HHAT: variants seen among roughly 807,000 people sequenced by gnomAD.
HHAT encodes the protein protein-cysteine N-palmitoyltransferase HHAT.
Under a neutral mutation model 70.8 loss-of-function variants are expected in HHAT, and 47 were observed. The observed-to-expected ratio is 0.66, with a 90% confidence interval of 0.53 to 0.85. The LOEUF is 0.85. Among genes scored for constraint, HHAT ranks in the 40% least tolerant of loss-of-function variants. The pLI is 0.00. For missense variants in HHAT, 609 were observed against 604.8 expected, an observed-to-expected ratio of 1.01 and a Z score of -0.07; for synonymous variants, 228 against 247.6, an observed-to-expected ratio of 0.92 and a Z score of 0.74.
intron 9 of HHAT, among the ~76,000 whole-genome samples, chr1:210,526,679 T>C (rs2095254536): frequency 6.6e-6 from 1 of 152,078 alleles, no homozygotes; most frequent in Admixed American, 6.6e-5. Context: ...GAGAGAATTA[T>C]ACCAGATAAA....
chr1:210,340,242 G>GGGGGGAAAAAAAAAAAAAAAAA, intron 1 of HHAT, among the ~76,000 whole-genome samples: 1 of 99,782 alleles, frequency 1.0e-5, no homozygotes, highest in African/African-American at 3.4e-5. Context: ...CTCTGTCTCA[G>GGGGGGAAAAAAAAAAAAAAAAA]AAAAAAAAAA....
At chr1:210,435,673 C>T (rs11119498) in intron 7 of HHAT, among the ~76,000 whole-genome samples, 49,522 of 151,514 alleles carry the variant, frequency 0.33, 9,009 homozygotes, top group South Asian at 0.47. Flanking sequence ...TGGGGTGAGA[C>T]GATATCTCAT....
intron 7 of HHAT, among the ~76,000 whole-genome samples, chr1:210,441,614 A>G (rs2093510495): frequency 6.6e-6 from 1 of 152,140 alleles, no homozygotes; most frequent in Non-Finnish European, 1.5e-5. Flanking sequence ...TATTAGTTCA[A>G]ATTGTTCTTT....
In HHAT at chr1:210,425,479, T is replaced by A. The variant is rs150055112; in HGVS notation, c.856+7154T>A. Among the ~76,000 whole-genome samples the A allele has an allele frequency of 4.2e-4, 64 of 152,312 alleles. 1 individual carries two copies. The East Asian group carries it at 0.012, about 29-fold the overall frequency. Reference sequence around the variant, plus strand: ...CCAGGATTTTTATAGTTTTGGGTTTTACATTTATGTCTTTAATCGATCTTG... The same window carrying A: ...CCAGGATTTTTATAGTTTTGGGTTTAACATTTATGTCTTTAATCGATCTTG... On this transcript the variant is annotated intron_variant, in intron 7 of 11. Coordinates refer to ENST00000261458, the MANE Select transcript of HHAT (RefSeq NM_018194.6).
chr1:210,579,469 T>C (rs1391905234), intron 9 of HHAT, among the ~76,000 whole-genome samples: 1 of 152,192 alleles, frequency 6.6e-6, no homozygotes, highest in Non-Finnish European at 1.5e-5. Context: ...TATTATATAC[T>C]TAAACAATTG....
intron 9 of HHAT, among the ~76,000 whole-genome samples, chr1:210,575,248 C>T (rs564977255): frequency 6.6e-6 from 1 of 152,220 alleles, no homozygotes; most frequent in East Asian, 1.9e-4. Flanking sequence ...TACCCCGCCC[C>T]CACCTTTTCC....
At chr1:210,415,164 G>A (rs2092682698) in intron 6 of HHAT, among the ~76,000 whole-genome samples, 1 of 152,110 alleles carries the variant, frequency 6.6e-6, no homozygotes, top group South Asian at 2.1e-4. Flanking sequence ...ATACAATATT[G>A]AGGTACACAC....
At chr1:210,366,706 T>A (rs2089010357) in intron 3 of HHAT, among the ~76,000 whole-genome samples, 1 of 152,192 alleles carries the variant, frequency 6.6e-6, no homozygotes, top group East Asian at 1.9e-4. Flanking sequence ...ATCATCCCCT[T>A]TTAAGAGCAG....
chr1:210,394,684 C>T (rs890861159), intron 4 of HHAT, among the ~76,000 whole-genome samples: 14 of 152,072 alleles, frequency 9.2e-5, no homozygotes, highest in African/African-American at 2.7e-4. Context: ...GCTCATCAGG[C>T]GCAGGTAATG....
chr1:210,489,269 G>C (rs1033590810), intron 8 of HHAT, among the ~76,000 whole-genome samples: 1 of 152,174 alleles, frequency 6.6e-6, no homozygotes, highest in African/African-American at 2.4e-5. Context: ...AGCTAGTAGC[G>C]GGCGGGGATC....
intron 8 of HHAT, among the ~76,000 whole-genome samples, chr1:210,470,078 C>A (rs1216253199): frequency 6.6e-6 from 1 of 152,162 alleles, no homozygotes; most frequent in Admixed American, 6.5e-5. Flanking sequence ...CTCCTGGCCT[C>A]AAGCAATCCT....
chr1:210,590,564 A>AAAAAAT (rs1661477490), intron 10 of HHAT: 3 of 144,498 alleles, frequency 2.1e-5, no homozygotes, highest in African/African-American at 5.5e-5. Context: ...AAAAAAAAAA[A>AAAAAAT]GGCAACAGAA....
intron 11 of HHAT, among the ~76,000 whole-genome samples, chr1:210,660,011 G>A (rs1677301110): frequency 6.6e-6 from 1 of 152,172 alleles, no homozygotes; most frequent in South Asian, 2.1e-4. Flanking sequence ...ACTGGCACAA[G>A]ACAGGGGTGC....
chr1:210,424,210 G>C (rs568030008), intron 7 of HHAT, among the ~76,000 whole-genome samples: 1 of 151,982 alleles, frequency 6.6e-6, no homozygotes, highest in African/African-American at 2.4e-5. Flanking sequence ...TTCAGTGTTC[G>C]TATTTCTTTC....
In HHAT at chr1:210,426,877, CCTT is replaced by C. The variant is rs200139492; in HGVS notation, c.856+8555_856+8557del. ...TAGAATGAATTAGGTAGGAATCTCTCCTTCTCAGTTTTTTGGAATAGTTTCAGT... is the reference window on the plus strand; with the variant it reads ...TAGAATGAATTAGGTAGGAATCTCTCCTCAGTTTTTTGGAATAGTTTCAGT... On this transcript the variant is annotated intron_variant, in intron 7 of 11. Coordinates refer to ENST00000261458, the MANE Select transcript of HHAT (RefSeq NM_018194.6). Among the ~76,000 whole-genome samples, 1,065 of 152,252 alleles carry C rather than the reference CCTT, an allele frequency of 7.0e-3. 14 individuals carry two copies. The highest frequency in any genetic ancestry group is 0.024 in the African/African-American group (1,009 of 41,546).
At chr1:210,614,871 T>C (rs1395482125) in intron 10 of HHAT, among the ~76,000 whole-genome samples, 1 of 152,224 alleles carries the variant, frequency 6.6e-6, no homozygotes, top group Non-Finnish European at 1.5e-5. Context: ...GCAATAAACA[T>C]ACGTGTGCAT....
rs997322089 is a variant in HHAT at position 210,367,169 on chromosome 1, G to A, written c.159+4250G>A. Among the ~76,000 whole-genome samples, 8 of 152,318 alleles carry A rather than the reference G, an allele frequency of 5.3e-5. No homozygotes were observed. In the East Asian group the frequency reaches 1.2e-3, roughly 22 times the overall value. ...GGATAGCACTCTTTTGGGTGAAATC[G>A]TGTACCCTATTATGACAAATTTATT... On this transcript the variant is annotated intron_variant, in intron 3 of 11. Transcript: ENST00000261458.
At chr1:210,406,026 C>T (rs1170805474) in intron 6 of HHAT, among the ~76,000 whole-genome samples, 1 of 152,162 alleles carries the variant, frequency 6.6e-6, no homozygotes, top group African/African-American at 2.4e-5. Flanking sequence ...AGGTCCTCTC[C>T]AACCTCCTGA....
At chr1:210,417,172 T>C (rs2092746894) in intron 6 of HHAT, among the ~76,000 whole-genome samples, 1 of 152,194 alleles carries the variant, frequency 6.6e-6, no homozygotes, top group African/African-American at 2.4e-5. Context: ...ACAGCCCGAG[T>C]TTATGGAGTG....
Sources: gnomAD v4.1 joint callset for allele counts (sites outside exome capture counted in the v4.1 genomes callset) on GRCh38, gnomAD v4.1.1 for gene constraint, MANE v1.5 for transcripts, NCBI Gene and HGNC (gene_info 2026-07-23, HGNC 2026-07-21) for gene names.